The following SLC66A2 variants were observed in gnomAD, a reference collection of about 807,000 sequenced individuals.
SLC66A2 encodes PQ loop repeat containing 1.
A neutral mutation model predicts 25.5 loss-of-function variants in SLC66A2; 23 were observed. That is an observed-to-expected ratio of 0.90 (90% CI 0.65 to 1.28). SLC66A2 has a LOEUF of 1.28. Among genes scored for constraint, SLC66A2 ranks in the 50% most tolerant of loss-of-function variants. SLC66A2 has a pLI of 0.00. For missense variants in SLC66A2, 396 were observed against 373.1 expected, an observed-to-expected ratio of 1.06 and a Z score of -0.51; for synonymous variants, 193 against 166.5, an observed-to-expected ratio of 1.16 and a Z score of -1.23.
In SLC66A2 at chr18:79,945,887, C is replaced by T. The variant is rs539875204; in HGVS notation, c.204-2425G>A. On this transcript the variant is annotated intron_variant, in intron 2 of 5. Coordinates refer to ENST00000397778, the MANE Select transcript of SLC66A2 (RefSeq NM_025078.5). ...CGGCCTGGGTGCCGGTCAACCCACCCACAGAGACCTGAGGCTGAGGAGGTG... is the reference window on the plus strand; with the variant it reads ...CGGCCTGGGTGCCGGTCAACCCACCTACAGAGACCTGAGGCTGAGGAGGTG... Among the ~76,000 whole-genome samples, 17 of 152,368 alleles carry T rather than the reference C, an allele frequency of 1.1e-4. 1 individual carries two copies. In the South Asian group the frequency reaches 3.5e-3, roughly 32 times the overall value.
rs980686073 is a variant in SLC66A2 at position 79,902,716 on chromosome 18, C to T, written c.*1260G>A. On this transcript the variant is annotated 3_prime_UTR_variant, in exon 6 of 6. Coordinates refer to ENST00000397778, the MANE Select transcript of SLC66A2 (RefSeq NM_025078.5). ...CAGATGCCTGCGGGAAGCGGCCCCT[C>T]CACCTGCGGAAGGGAAGACGATGCC... is the stretch of plus-strand genomic sequence containing the variant. The T allele has an allele frequency of 1.8e-4, 27 of 152,328 alleles. No homozygotes were observed. The highest frequency in any genetic ancestry group is 6.0e-4 in the African/African-American group (25 of 41,470). The allele number at this position is 152,328 out of a possible 1,614,324, so 9.4% of individuals were successfully genotyped here.
At chr18:79,923,440 A>C (rs1985540789) in intron 4 of SLC66A2, among the ~76,000 whole-genome samples, 1 of 152,128 alleles carries the variant, frequency 6.6e-6, no homozygotes. Flanking sequence ...GACTTGGGAA[A>C]GCCAGGTCTA....
chr18:79,950,934 C>T lies in SLC66A2; in HGVS notation c.-8G>A, dbSNP rs762661813. ...CAGGCCCTCGGCCTCCATCGCAGCG[C>T]CCGCCTGGCCGAGGCTGTCACGGGC... On this transcript the variant is annotated 5_prime_UTR_variant, in exon 2 of 6. Coordinates refer to ENST00000397778, the MANE Select transcript of SLC66A2 (RefSeq NM_025078.5). The T allele has an allele frequency of 1.9e-6, 3 of 1,538,472 alleles. No individual in the cohort carries two copies. Among genetic ancestry groups the T allele is most frequent in the South Asian group, 2.4e-5 (2 of 84,234 alleles).
chr18:79,915,639 C>G (rs1428671080), intron 5 of SLC66A2: 1 of 152,206 alleles, frequency 6.6e-6, no homozygotes, highest in Non-Finnish European at 1.5e-5. Flanking sequence ...GAGGCCAAGC[C>G]TCCTGTGGCC....
Position 79,904,278 on chromosome 18 carries a change from G to A in SLC66A2, c.609-95C>T, listed in dbSNP as rs1239081830. On this transcript the variant is annotated intron_variant, in intron 5 of 5. Coordinates refer to ENST00000397778, the MANE Select transcript of SLC66A2 (RefSeq NM_025078.5). This position sits in a 1 kb window ranked among gnomAD's most constrained non-coding sequence, Gnocchi z 6.3. ...TGGGGCTTAGACAGCGGGGAGACCT[G>A]GGGCTCAGGGGCACCCAGGGGGCTA... is the stretch of plus-strand genomic sequence containing the variant. 48 of 1,118,976 alleles carry A rather than the reference G, an allele frequency of 4.3e-5. No homozygotes were observed. In the East Asian group the frequency reaches 1.2e-3, roughly 28 times the overall value. The allele number at this position is 1,118,976 out of a possible 1,614,324, so 69.3% of individuals were successfully genotyped here. A position where few individuals can be genotyped will look rare whatever the true frequency, so the allele number is the denominator to read the frequency against.
chr18:79,919,522 G>T (rs59505533), intron 4 of SLC66A2, 122 bp from the exon 5 acceptor site: 5,645 of 342,878 alleles, frequency 0.016, 514 homozygotes, highest in African/African-American at 0.038. Flanking sequence ...AGGAACCGAG[G>T]GAGAGGTCAA....
intron 2 of SLC66A2, among the ~76,000 whole-genome samples, chr18:79,946,342 G>A (rs757380767): frequency 6.6e-6 from 1 of 152,262 alleles, no homozygotes; most frequent in Non-Finnish European, 1.5e-5. Context: ...AATTTTAAAA[G>A]CTAATTAAAA....
chr18:79,946,967 G>GA (rs527315155), intron 2 of SLC66A2, among the ~76,000 whole-genome samples: 37 of 149,630 alleles, frequency 2.5e-4, no homozygotes, highest in East Asian at 7.8e-4. Context: ...TTGTCTAAAA[G>GA]AAAAAAAAAA....
intron 2 of SLC66A2, chr18:79,949,522 G>C (rs1361145220): frequency 6.6e-6 from 1 of 152,218 alleles, no homozygotes; most frequent in Non-Finnish European, 1.5e-5. Flanking sequence ...AAATTACCTG[G>C]GTATGGTGGC....
At chr18:79,947,289 A>T (rs2050958066) in intron 2 of SLC66A2, 1 of 152,276 alleles carries the variant, frequency 6.6e-6, no homozygotes, top group African/African-American at 2.4e-5. Context: ...GAATGTTGGC[A>T]TTCCACAGAG....
chr18:79,910,518 C>G (rs1314570697), intron 5 of SLC66A2, among the ~76,000 whole-genome samples: 2 of 152,202 alleles, frequency 1.3e-5, no homozygotes, highest in African/African-American at 4.8e-5. Flanking sequence ...TCTCACAAGA[C>G]TTTTTCTAGT....
At chr18:79,934,078 G>A in intron 3 of SLC66A2, 56 bp from the exon 4 acceptor site, 1 of 1,404,618 alleles carries the variant, frequency 7.1e-7, no homozygotes. Flanking sequence ...GAAACATACT[G>A]GTTTTAACAT....
chr18:79,904,983 G>A lies in SLC66A2; in HGVS notation c.609-800C>T, dbSNP rs566455323. Among the ~76,000 whole-genome samples, 20 of 152,270 alleles carry A rather than the reference G, an allele frequency of 1.3e-4. No homozygotes were observed. In the East Asian group the frequency reaches 1.9e-3, roughly 15 times the overall value. On this transcript the variant is annotated intron_variant, in intron 5 of 5. Coordinates refer to ENST00000397778, the MANE Select transcript of SLC66A2 (RefSeq NM_025078.5). This position sits in a 1 kb window ranked among gnomAD's most constrained non-coding sequence, Gnocchi z 6.3. ...TCCCCCACCCTGGGGCGTCCGTCCC[G>A]CTCATAAGCCAGGGTGGGCACCTGG...
intron 2 of SLC66A2, chr18:79,943,894 C>T (rs1278751834): frequency 1.7e-5 from 3 of 180,032 alleles, no homozygotes; most frequent in Non-Finnish European, 2.4e-5. Context: ...CCGCCTCACC[C>T]AGTCCTGAAC....
chr18:79,922,541 C>G (rs994207715), intron 4 of SLC66A2, among the ~76,000 whole-genome samples: 4 of 152,096 alleles, frequency 2.6e-5, no homozygotes, highest in Non-Finnish European at 4.4e-5. Context: ...AAATCCGTAC[C>G]ACATCCCTCC....
At chr18:79,928,664 C>A (rs964110379) in intron 4 of SLC66A2, among the ~76,000 whole-genome samples, 2 of 152,212 alleles carry the variant, frequency 1.3e-5, no homozygotes, top group African/African-American at 4.8e-5. Flanking sequence ...TTCCCCATCC[C>A]CATGTGACAA....
rs920610311 is a variant in SLC66A2 at position 79,917,603 on chromosome 18, C to T, written c.608+1581G>A. Among the ~76,000 whole-genome samples, 2 of 152,090 alleles carry T rather than the reference C, an allele frequency of 1.3e-5. No individual in the cohort carries two copies. The highest frequency in any genetic ancestry group is 4.8e-5 in the African/African-American group (2 of 41,410). On this transcript the variant is annotated intron_variant, in intron 5 of 5. Transcript: ENST00000397778. This position sits in a 1 kb window ranked among gnomAD's most constrained non-coding sequence, Gnocchi z 6.0. ...CACGTCCAGCCGGGGAGCCTACATACGACGCCCGCCCTGAGACCCACTTTC... is the reference window on the plus strand; with the variant it reads ...CACGTCCAGCCGGGGAGCCTACATATGACGCCCGCCCTGAGACCCACTTTC...
At chr18:79,925,559 G>A (rs897401976) in intron 4 of SLC66A2, among the ~76,000 whole-genome samples, 4 of 152,218 alleles carry the variant, frequency 2.6e-5, no homozygotes, top group Admixed American at 6.5e-5. Context: ...AGAAGCTTCC[G>A]TCGCACGGGC....
chr18:79,942,089 A>T (rs1987724048), intron 3 of SLC66A2, among the ~76,000 whole-genome samples: 1 of 152,232 alleles, frequency 6.6e-6, no homozygotes, highest in Non-Finnish European at 1.5e-5. Context: ...CGAGTCACCT[A>T]AGCAGAAATG....
Sources: gnomAD v4.1 joint callset for allele counts (sites outside exome capture counted in the v4.1 genomes callset) on GRCh38, gnomAD v4.1.1 for gene constraint, Gnocchi (gnomAD v3.1) non-coding constraint, MANE v1.5 for transcripts, NCBI Gene and HGNC (gene_info 2026-07-23, HGNC 2026-07-21) for gene names.